Variants in RHOBTB1 observed in about 807,000 individuals in gnomAD.
RHOBTB1 encodes the protein rho-related BTB domain-containing protein 1.
A neutral mutation model predicts 71.6 loss-of-function variants in RHOBTB1; 40 were observed. The ratio of observed to expected loss-of-function variants is 0.56; its 90% confidence interval spans 0.43 to 0.73. The LOEUF (loss-of-function observed/expected upper bound fraction) is 0.73, where lower values mean the gene tolerates loss of function less well. Among genes scored for constraint, RHOBTB1 ranks in the 30% least tolerant of loss-of-function variants. The pLI is 0.00. For missense variants in RHOBTB1, 797 were observed against 894.0 expected (o/e 0.89, Z 1.38); for synonymous variants, 319 against 334.9 (o/e 0.95, Z 0.52).
intron 2 of RHOBTB1, among the ~76,000 whole-genome samples, chr10:60,983,415 A>G (rs762076215): frequency 6.6e-6 from 1 of 152,208 alleles, no homozygotes; most frequent in African/African-American, 2.4e-5. Flanking sequence ...TAGTTATAGT[A>G]TAATCCCATG....
At chr10:60,948,215 G>T (rs1321623743), upstream of RHOBTB1, among the ~76,000 whole-genome samples, 1 of 152,106 alleles carries the variant, frequency 6.6e-6, no homozygotes, top group Admixed American at 6.5e-5. Context: ...ACATTCTGGG[G>T]TGGTAGAATT....
chr10:60,927,899 C>T (rs531125612), intron 2 of RHOBTB1, among the ~76,000 whole-genome samples: 9 of 152,072 alleles, frequency 5.9e-5, no homozygotes, highest in South Asian at 4.2e-4. Context: ...AGACAATCCA[C>T]GGAATGGGAG....
chr10:60,950,532 G>A (rs1323729524), intron 2 of RHOBTB1, among the ~76,000 whole-genome samples: 1 of 152,128 alleles, frequency 6.6e-6, no homozygotes, highest in African/African-American at 2.4e-5. Flanking sequence ...GAAAGAAAGC[G>A]GTATTGTATT....
intron 2 of RHOBTB1, among the ~76,000 whole-genome samples, chr10:60,956,038 A>G (rs1364472160): frequency 6.6e-6 from 1 of 152,168 alleles, no homozygotes; most frequent in East Asian, 1.9e-4. Flanking sequence ...TCTGAGAAAC[A>G]TGTCCTTAGG....
intron 2 of RHOBTB1, among the ~76,000 whole-genome samples, chr10:60,918,865 G>T (rs947619672): frequency 6.6e-6 from 1 of 151,736 alleles, no homozygotes; most frequent in Non-Finnish European, 1.5e-5. Flanking sequence ...TCCTGACTCA[G>T]CCTCCCGAGT....
At chr10:60,907,264 C>T (rs937674072) in intron 4 of RHOBTB1, among the ~76,000 whole-genome samples, 10 of 152,206 alleles carry the variant, frequency 6.6e-5, no homozygotes, top group African/African-American at 2.2e-4. Flanking sequence ...CTGATAAAGG[C>T]AGAGCCCATC....
At chr10:60,874,155 C>G (rs182637242) in intron 9 of RHOBTB1, among the ~76,000 whole-genome samples, 13 of 152,212 alleles carry the variant, frequency 8.5e-5, no homozygotes, top group Non-Finnish European at 1.6e-4. Flanking sequence ...AGAGGGAGCA[C>G]AGGAAGCCAA....
chr10:60,910,477 C>T (rs1053625998), intron 4 of RHOBTB1, among the ~76,000 whole-genome samples: 10 of 152,146 alleles, frequency 6.6e-5, no homozygotes, highest in Admixed American at 5.2e-4. Context: ...TAACATTAGA[C>T]TCTGCCAATA....
At position 60,892,908 on chromosome 10, in the gene RHOBTB1, G is replaced by A. The variant is rs1362768253; in HGVS notation, c.384C>T (p.His128=). The A allele has an allele frequency of 6.2e-7, 1 of 1,613,982 alleles. No individual in the cohort carries two copies. Among genetic ancestry groups the A allele is most frequent in the Non-Finnish European group, 8.5e-7 (1 of 1,179,988 alleles). The change falls in exon 5 of 11, where the codon CAC becomes CAT. Residue 128 remains histidine, a synonymous_variant. Transcript: ENST00000337910. ...GGATAACGGGTGTTCGAGGGCAAAA[G>A]TGCTTGATTTCTGGATACCACATGC... ...VKSMWYPEIK[H]FCPRTPVILV...
intron 2 of RHOBTB1, among the ~76,000 whole-genome samples, chr10:60,977,315 A>C (rs1565176926): frequency 6.6e-6 from 1 of 152,076 alleles, no homozygotes; most frequent in Admixed American, 6.6e-5. Context: ...AAATAATGCC[A>C]ATGACAGCTT....
intron 2 of RHOBTB1, among the ~76,000 whole-genome samples, chr10:60,911,935 C>A (rs2082995970): frequency 6.6e-6 from 1 of 152,158 alleles, no homozygotes; most frequent in Non-Finnish European, 1.5e-5. Context: ...ACCTGTAGGG[C>A]TGAACTTCAA....
At chr10:60,873,956 T>C (rs1280471846) in intron 9 of RHOBTB1, among the ~76,000 whole-genome samples, 2 of 152,362 alleles carry the variant, frequency 1.3e-5, no homozygotes, top group South Asian at 4.1e-4. Flanking sequence ...AATAGGTCGC[T>C]GTAAAGTTCA....
chr10:60,989,467 G>A (rs562282232), intron 1 of RHOBTB1, among the ~76,000 whole-genome samples: 3 of 152,188 alleles, frequency 2.0e-5, no homozygotes, highest in Non-Finnish European at 4.4e-5. Flanking sequence ...GATACTTGTT[G>A]AATGAATAAA....
rs556119411 is a variant in RHOBTB1, at chr10:60,870,888, T to G, written c.*594A>C. The G allele has an allele frequency of 6.6e-6, 1 of 152,566 alleles. No individual in the cohort carries two copies. The highest frequency in any genetic ancestry group is 1.5e-5 in the Non-Finnish European group (1 of 68,024). 9.5% of individuals were successfully genotyped at this position (152,566 alleles called of 1,614,324 possible). ...ATATTGTAAATACACATTCTTGGAG[T>G]TGACTTTGTAATTACACCGATGTTA... On this transcript the variant is annotated 3_prime_UTR_variant, in exon 11 of 11. Transcript: ENST00000337910.
At chr10:60,919,135 T>C (rs2083422317) in intron 2 of RHOBTB1, among the ~76,000 whole-genome samples, 1 of 152,006 alleles carries the variant, frequency 6.6e-6, no homozygotes, top group Non-Finnish European at 1.5e-5. Flanking sequence ...TAGTCTTATC[T>C]CCATTTAGCT....
chr10:60,912,571 A>T (rs1424508344), intron 2 of RHOBTB1, among the ~76,000 whole-genome samples: 1 of 152,218 alleles, frequency 6.6e-6, no homozygotes, highest in Non-Finnish European at 1.5e-5. Flanking sequence ...ATAAAGCAAG[A>T]TTCAAAAAAA....
chr10:60,924,334 C>A (rs1469588169), intron 2 of RHOBTB1, among the ~76,000 whole-genome samples: 4 of 151,124 alleles, frequency 2.6e-5, no homozygotes, highest in African/African-American at 9.7e-5. Context: ...CAAATAAAAC[C>A]CGCCAAAAAA....
At chr10:60,884,914 T>C (rs986522995) in intron 7 of RHOBTB1, among the ~76,000 whole-genome samples, 2 of 151,812 alleles carry the variant, frequency 1.3e-5, no homozygotes, top group Non-Finnish European at 2.9e-5. Flanking sequence ...CTAGTGTACA[T>C]TTTTTTTGTC....
chr10:60,942,089 G>T (rs1182511548), intron 1 of RHOBTB1, among the ~76,000 whole-genome samples: 2 of 151,956 alleles, frequency 1.3e-5, no homozygotes. Flanking sequence ...GAGCTCTTGG[G>T]ACGATACCAA....
Sources: allele counts gnomAD v4.1 joint callset (sites outside exome capture counted in the v4.1 genomes callset), GRCh38; gene constraint gnomAD v4.1.1; transcripts MANE v1.5; gene names NCBI Gene and HGNC (gene_info 2026-07-23, HGNC 2026-07-21).